The following MPP7 variants were observed in gnomAD, a reference collection of about 807,000 sequenced individuals.
MPP7 encodes the protein MAGUK p55 subfamily member 7.
A neutral mutation model predicts 76.5 loss-of-function variants in MPP7; 60 were observed. The ratio of observed to expected loss-of-function variants is 0.78; its 90% CI spans 0.64 to 0.97. The LOEUF (loss-of-function observed/expected upper bound fraction) is 0.97, where lower values mean the gene tolerates loss of function less well. Among genes scored for constraint, MPP7 ranks in the 50% least tolerant of loss-of-function variants. The pLI is 0.00. For missense variants in MPP7, 641 were observed against 694.0 expected (o/e 0.92, Z 0.86); for synonymous variants, 237 against 244.5 (o/e 0.97, Z 0.29).
At chr10:28,071,160 AG>A (rs1852224466) in intron 12 of MPP7, among the ~76,000 whole-genome samples, 1 of 152,250 alleles carries the variant, frequency 6.6e-6, no homozygotes, top group Non-Finnish European at 1.5e-5. Context: ...TGGCTAGCAC[AG>A]TGTCCAGGTA....
At chr10:28,162,956 G>T (rs1199333295) in intron 3 of MPP7, among the ~76,000 whole-genome samples, 2 of 151,964 alleles carry the variant, frequency 1.3e-5, no homozygotes, top group Non-Finnish European at 2.9e-5. Context: ...CACAGAGCTT[G>T]TGATTACATT....
At chr10:28,073,130 C>T (rs181306040) in intron 12 of MPP7, among the ~76,000 whole-genome samples, 4 of 152,242 alleles carry the variant, frequency 2.6e-5, no homozygotes, top group Admixed American at 1.3e-4. Context: ...ATGGCAATTT[C>T]GACTTTTCTC....
Position 28,317,978 on chromosome 10 carries a change from C to T in MPP7, c.-132+11951G>A, listed in dbSNP as rs1413904528. 2.6e-5 allele frequency among the ~76,000 whole-genome samples: 4 copies of T among 152,312 alleles called. No individual in the cohort carries two copies. The East Asian group carries it at 7.7e-4, about 29-fold the overall frequency. ...TGATGCTTACGCCATGACTGCAGTA[C>T]CCTGTGCAGTACACAAGCTGCACAA... On this transcript the variant is annotated intron_variant, in intron 2 of 11. Coordinates refer to the MPP7 transcript ENST00000441595.
intron 1 of MPP7, among the ~76,000 whole-genome samples, chr10:28,283,601 G>A (rs1216270153): frequency 3.3e-5 from 5 of 151,966 alleles, no homozygotes; most frequent in East Asian, 1.9e-4. Context: ...TGCAGCCTCT[G>A]CCTCCTGGGT....
At chr10:28,115,391 CT>C (rs1309918361) in intron 11 of MPP7, among the ~76,000 whole-genome samples, 2 of 152,192 alleles carry the variant, frequency 1.3e-5, no homozygotes, top group Non-Finnish European at 2.9e-5. Context: ...GCGTGAGCCG[CT>C]GTGCCCGGCC....
At chr10:28,262,256 TATGTATATATATATATATA>T in intron 1 of MPP7, among the ~76,000 whole-genome samples, 1 of 34,460 alleles carries the variant, frequency 2.9e-5, no homozygotes, top group Non-Finnish European at 4.6e-5. Context: ...TATATATATA[TATGTATATATATATATATA>T]TATTTTTTTT....
chr10:28,294,839 T>C (rs1425905350), intron 1 of MPP7, among the ~76,000 whole-genome samples: 1 of 152,224 alleles, frequency 6.6e-6, no homozygotes. Flanking sequence ...CAAAATACTA[T>C]ATTATTTCCA....
chr10:28,260,989 T>C (rs1234676927), intron 1 of MPP7, among the ~76,000 whole-genome samples: 1 of 152,160 alleles, frequency 6.6e-6, no homozygotes, highest in South Asian at 2.1e-4. Context: ...TATTCTTTAA[T>C]AGCCTAGTTC....
Position 28,053,847 on chromosome 10 carries a change from T to C in MPP7, c.*218A>G. 2 of 535,844 alleles carry C rather than the reference T, an allele frequency of 3.7e-6. No homozygotes were observed. Among genetic ancestry groups the C allele is most frequent in the Admixed American group, 3.7e-5 (1 of 27,202 alleles). The allele number at this position is 535,844 out of a possible 1,614,324, so 33.2% of individuals were successfully genotyped here. Reference sequence around the variant, plus strand: ...CAACGAGAAGGTTTGAGGTTTTGCTTAGAATACAGTACTGTGCATATTTTG... The same window carrying C: ...CAACGAGAAGGTTTGAGGTTTTGCTCAGAATACAGTACTGTGCATATTTTG... On this transcript the variant is annotated 3_prime_UTR_variant, in exon 17 of 17. Transcript: ENST00000683449.
chr10:28,305,078 A>G (rs746254260), upstream of MPP7, among the ~76,000 whole-genome samples: 1 of 152,238 alleles, frequency 6.6e-6, no homozygotes, highest in Non-Finnish European at 1.5e-5. Flanking sequence ...TGCTTTAAGG[A>G]GAAATGATCT....
intron 3 of MPP7, among the ~76,000 whole-genome samples, chr10:28,177,057 A>C (rs1161978127): frequency 6.6e-6 from 1 of 151,762 alleles, no homozygotes; most frequent in Non-Finnish European, 1.5e-5. Context: ...AAAGAAAAAA[A>C]CAAGAATAAT....
rs138855935 is a variant in MPP7 at position 28,198,350 on chromosome 10, G to A, written c.156+3803C>T. 8.5e-5 allele frequency among the ~76,000 whole-genome samples: 13 copies of A among 152,278 alleles called. No individual in the cohort carries two copies. The East Asian group carries it at 2.1e-3, about 25-fold the overall frequency. On this transcript the variant is annotated intron_variant, in intron 3 of 16. Transcript: ENST00000683449. ...CTAACACTTTGAGAGTCCGAGGCAG[G>A]TGGATCCCTTAGGTCAGGATTCAAG...
At chr10:28,317,210 T>G (rs786397) in intron 2 of MPP7, among the ~76,000 whole-genome samples, 56,304 of 152,012 alleles carry the variant, frequency 0.37, 11,424 homozygotes, top group African/African-American at 0.53. Context: ...ATTTACAAAA[T>G]TTTAAGAAAT....
chr10:28,187,114 A>G (rs1837262791), intron 3 of MPP7, among the ~76,000 whole-genome samples: 1 of 152,218 alleles, frequency 6.6e-6, no homozygotes, highest in South Asian at 2.1e-4. Context: ...AACTAAGTAT[A>G]TTTGAATCAC....
chr10:28,333,928 C>T (rs185152223), intron 1 of MPP7, among the ~76,000 whole-genome samples: 18 of 152,228 alleles, frequency 1.2e-4, no homozygotes, highest in African/African-American at 4.1e-4. Flanking sequence ...TGCGGTGGCT[C>T]GTGCCTGTAA....
At chr10:28,239,488 G>A (rs1449061262) in intron 1 of MPP7, among the ~76,000 whole-genome samples, 1 of 151,944 alleles carries the variant, frequency 6.6e-6, no homozygotes, top group Non-Finnish European at 1.5e-5. Context: ...TATGACAAAT[G>A]CATGGTTCTC....
chr10:28,281,496 A>G (rs1304810866), intron 1 of MPP7, among the ~76,000 whole-genome samples: 1 of 152,140 alleles, frequency 6.6e-6, no homozygotes, highest in Non-Finnish European at 1.5e-5. Context: ...TAACTCAGAG[A>G]GACAAATGAC....
chr10:28,180,971 G>T (rs1056446811), intron 3 of MPP7, among the ~76,000 whole-genome samples: 1 of 152,198 alleles, frequency 6.6e-6, no homozygotes, highest in African/African-American at 2.4e-5. Context: ...ACTACTGCAG[G>T]ATATACGGAT....
At chr10:28,242,537 A>G (rs2132780085) in intron 1 of MPP7, among the ~76,000 whole-genome samples, 1 of 152,372 alleles carries the variant, frequency 6.6e-6, no homozygotes, top group Admixed American at 6.5e-5. Context: ...ATAAAATGGT[A>G]CTTGTACCTT....
Sources: gnomAD v4.1 joint callset for allele counts (sites outside exome capture counted in the v4.1 genomes callset) on GRCh38, gnomAD v4.1.1 for gene constraint, MANE v1.5 for transcripts, NCBI Gene and HGNC (gene_info 2026-07-23, HGNC 2026-07-21) for gene names.